The following ATP8A2 variants were observed in gnomAD, a reference collection of about 807,000 sequenced individuals.
ATP8A2 encodes phospholipid-transporting ATPase IB.
A neutral mutation model predicts 165.6 loss-of-function variants in ATP8A2; 100 were observed. The observed-to-expected ratio is 0.60, with a 90% confidence interval of 0.51 to 0.71. The LOEUF is 0.71. Among genes scored for constraint, ATP8A2 ranks in the 30% least tolerant of loss-of-function variants. The pLI is 0.00. For missense variants in ATP8A2, 1,227 were observed against 1,479.5 expected (o/e 0.83, Z 2.80); for synonymous variants, 543 against 548.8 (o/e 0.99, Z 0.15).
At chr13:25,495,624 C>CTTTT (rs11369713) in intron 2 of ATP8A2, among the ~76,000 whole-genome samples, 12 of 88,224 alleles carry the variant, frequency 1.4e-4, no homozygotes, top group African/African-American at 3.8e-4. Context: ...GCATGCCTTG[C>CTTTT]TTTTTTTTTT....
chr13:25,536,971 G>A (rs1047319378), intron 6 of ATP8A2, among the ~76,000 whole-genome samples: 6 of 152,206 alleles, frequency 3.9e-5, no homozygotes, highest in Non-Finnish European at 5.9e-5. Flanking sequence ...AGCAGCTTGC[G>A]GAGATCACAA....
intron 33 of ATP8A2, among the ~76,000 whole-genome samples, chr13:25,947,884 G>A (rs1239354040): frequency 4.6e-5 from 7 of 152,092 alleles, no homozygotes; most frequent in East Asian, 1.9e-4. Context: ...ATCTGAGTGC[G>A]TCTTCAGTGG....
chr13:25,629,934 A>T (rs2041196820), intron 24 of ATP8A2, among the ~76,000 whole-genome samples: 1 of 152,174 alleles, frequency 6.6e-6, no homozygotes, highest in African/African-American at 2.4e-5. Flanking sequence ...GTTTAATTTT[A>T]TGGCAAAGTC....
intron 25 of ATP8A2, among the ~76,000 whole-genome samples, chr13:25,735,101 C>G (rs543524427): frequency 1.3e-5 from 2 of 152,166 alleles, no homozygotes; most frequent in Admixed American, 6.5e-5. Context: ...TTCCATTCCC[C>G]TGTCTTGAGG....
chr13:25,644,458 A>G (rs2041617511), intron 24 of ATP8A2, among the ~76,000 whole-genome samples: 1 of 151,018 alleles, frequency 6.6e-6, no homozygotes, highest in African/African-American at 2.4e-5. Context: ...GGCAAATTCA[A>G]TTTGCTGTAT....
At chr13:25,644,113 T>G (rs2041608956) in intron 24 of ATP8A2, among the ~76,000 whole-genome samples, 1 of 151,964 alleles carries the variant, frequency 6.6e-6, no homozygotes, top group Non-Finnish European at 1.5e-5. Flanking sequence ...GCAACTTTAT[T>G]GTATTTATTA....
chr13:25,454,535 G>A (rs2035311457), intron 1 of ATP8A2, among the ~76,000 whole-genome samples: 1 of 152,176 alleles, frequency 6.6e-6, no homozygotes, highest in Non-Finnish European at 1.5e-5. Flanking sequence ...AGCAAGCAGA[G>A]CTGGGCAGGG....
intron 27 of ATP8A2, among the ~76,000 whole-genome samples, chr13:25,779,853 TA>T (rs1157865088): frequency 6.6e-6 from 1 of 152,230 alleles, no homozygotes; most frequent in Non-Finnish European, 1.5e-5. Flanking sequence ...AGGATTCCTA[TA>T]AATTTTTGAA....
chr13:25,661,326 C>T (rs1481130512), intron 24 of ATP8A2, among the ~76,000 whole-genome samples: 1 of 152,162 alleles, frequency 6.6e-6, no homozygotes. Context: ...TAAAATAATT[C>T]ATGGTATTAT....
At chr13:25,475,616 CTAA>C (rs1397547108) in intron 2 of ATP8A2, among the ~76,000 whole-genome samples, 2 of 152,222 alleles carry the variant, frequency 1.3e-5, no homozygotes, top group African/African-American at 4.8e-5. Context: ...AGTAGTTGAA[CTAA>C]TTTACACTTT....
intron 1 of ATP8A2, among the ~76,000 whole-genome samples, chr13:25,418,225 C>T (rs1411761972): frequency 6.6e-6 from 1 of 152,112 alleles, no homozygotes; most frequent in African/African-American, 2.4e-5. Context: ...TCAAAAGATC[C>T]CCACTGTCCC....
chr13:25,572,196 GC>G (rs935770395), intron 18 of ATP8A2, among the ~76,000 whole-genome samples: 7 of 152,110 alleles, frequency 4.6e-5, no homozygotes, highest in Non-Finnish European at 8.8e-5. Flanking sequence ...GTGCAGTGGT[GC>G]AATCTCGGCT....
At chr13:25,802,929 T>G (rs1950651357) in intron 27 of ATP8A2, among the ~76,000 whole-genome samples, 1 of 151,490 alleles carries the variant, frequency 6.6e-6, no homozygotes, top group South Asian at 2.1e-4. Context: ...AAAACTAATT[T>G]GTATGCTTTG....
At chr13:25,910,246 G>C (rs978535956) in intron 33 of ATP8A2, among the ~76,000 whole-genome samples, 1 of 152,122 alleles carries the variant, frequency 6.6e-6, no homozygotes, top group Non-Finnish European at 1.5e-5. Flanking sequence ...TTTCATAATG[G>C]AATAATACTT....
chr13:25,805,994 G>A (rs1363811999), intron 27 of ATP8A2, among the ~76,000 whole-genome samples: 3 of 152,092 alleles, frequency 2.0e-5, no homozygotes, highest in Non-Finnish European at 4.4e-5. Context: ...ACTCTGAAGG[G>A]CAGGTCATAA....
intron 2 of ATP8A2, among the ~76,000 whole-genome samples, chr13:25,485,461 T>C (rs2036321944): frequency 6.6e-6 from 1 of 152,284 alleles, no homozygotes; most frequent in South Asian, 2.1e-4. Context: ...TTTATCTAAA[T>C]GTGTACACAC....
Position 25,836,917 on chromosome 13 carries a change from C to T in ATP8A2, c.2755-246C>T, listed in dbSNP as rs2138645141. On this transcript the variant is annotated intron_variant, in intron 28 of 36. Transcript: ENST00000381655. ...CAAAGGAAGGTAGTTGCTAATTTAA[C>T]AAGAAATCTTGGCTAATCAGATAAT... 2.6e-5 allele frequency among the ~76,000 whole-genome samples: 4 copies of T among 152,308 alleles called. 1 individual carries two copies. In the South Asian group the frequency reaches 8.3e-4, roughly 32 times the overall value.
intron 1 of ATP8A2, among the ~76,000 whole-genome samples, chr13:25,427,148 C>T (rs1362663538): frequency 2.0e-5 from 3 of 152,158 alleles, no homozygotes; most frequent in Admixed American, 6.6e-5. Context: ...CGAGCTAGCA[C>T]GTGAAGCCTT....
intron 27 of ATP8A2, among the ~76,000 whole-genome samples, chr13:25,783,607 A>T (rs2044943291): frequency 6.6e-6 from 1 of 152,130 alleles, no homozygotes. Context: ...CAGGCGTGGT[A>T]GGGTAAGGGC....
Sources: gnomAD v4.1 joint callset for allele counts (sites outside exome capture counted in the v4.1 genomes callset) on GRCh38, gnomAD v4.1.1 for gene constraint, MANE v1.5 for transcripts, NCBI Gene and HGNC (gene_info 2026-07-23, HGNC 2026-07-21) for gene names.